Variants in CUBN observed in about 807,000 individuals in gnomAD.
CUBN encodes 460 kDa receptor.
Under a neutral mutation model 405.3 loss-of-function variants are expected in CUBN, and 282 were observed. That is an observed-to-expected ratio of 0.70 (90% CI 0.63 to 0.77). The LOEUF (loss-of-function observed/expected upper bound fraction) is 0.77. Ranked by LOEUF, CUBN falls within the 30% of genes least tolerant of loss-of-function variation. The probability of loss-of-function intolerance (pLI) is 0.00; values close to 1 mark genes in which losing one functional copy is unlikely to be tolerated. For missense variants in CUBN, 4,514 were observed against 4,475.2 expected (o/e 1.01, Z -0.25); for synonymous variants, 1,684 against 1,617.0 (o/e 1.04, Z -0.99).
intron 64 of CUBN, among the ~76,000 whole-genome samples, chr10:16,833,632 C>CAGAAAAGAAAGAAGAAGAA (rs1564375606): frequency 6.6e-6 from 1 of 151,772 alleles, no homozygotes; most frequent in Non-Finnish European, 1.5e-5. Flanking sequence ...GGTTGCAGGG[C>CAGAAAAGAAAGAAGAAGAA]AGAAAAGAAA....
chr10:16,840,677 C>T, intron 61 of CUBN, 142 bp from the exon 62 acceptor site: 1 of 894,806 alleles, frequency 1.1e-6, no homozygotes, highest in Middle Eastern at 3.2e-4. Context: ...GGTTTATATC[C>T]TTGACTAAAG....
rs181633050 is a variant in CUBN, at chr10:17,086,096, G to T, written c.1948-337C>A. On this transcript the variant is annotated intron_variant, in intron 15 of 66. Coordinates refer to ENST00000377833, the MANE Select transcript of CUBN (RefSeq NM_001081.4). Reference sequence around the variant, plus strand: ...TTCTCCTGCCTCAGCCTCCCAAGTAGCTGGGACTACAGGCACCTGCCACCA... The same window carrying T: ...TTCTCCTGCCTCAGCCTCCCAAGTATCTGGGACTACAGGCACCTGCCACCA... Among the ~76,000 whole-genome samples the T allele has an allele frequency of 2.0e-4, 31 of 151,866 alleles. No homozygotes were observed. The East Asian group carries it at 6.0e-3, about 30-fold the overall frequency.
At chr10:16,855,004 CTCTCTCTCTCTT>C (rs1185782211) in intron 59 of CUBN, among the ~76,000 whole-genome samples, 2 of 134,614 alleles carry the variant, frequency 1.5e-5, no homozygotes, top group East Asian at 4.8e-4. Flanking sequence ...TTCCTTTTTT[CTCTCTCTCTCTT>C]TCTCTCTCTC....
intron 31 of CUBN, among the ~76,000 whole-genome samples, chr10:16,956,864 T>A (rs2131638170): frequency 6.6e-6 from 1 of 152,246 alleles, no homozygotes; most frequent in Admixed American, 6.5e-5. Context: ...TATATACAGT[T>A]TATATTTATT....
At chr10:16,891,923 A>G (rs564507216) in intron 54 of CUBN, among the ~76,000 whole-genome samples, 2 of 152,148 alleles carry the variant, frequency 1.3e-5, no homozygotes, top group African/African-American at 2.4e-5. Context: ...CTATCAACAG[A>G]CAACTATCTC....
In CUBN at chr10:16,939,107, G is replaced by A. The variant is rs1409092456; in HGVS notation, c.5589C>T (p.Val1863=). 9.9e-6 allele frequency: 16 copies of A among 1,613,830 alleles called. No individual in the cohort carries two copies. The highest frequency in any genetic ancestry group is 8.9e-5 in the East Asian group (4 of 44,866). The change falls in exon 38 of 67, where the codon GTC becomes GTT. Residue 1863 remains valine (V), a synonymous_variant. Transcript: ENST00000377833. ...NDNIVGTHGK[V]ASPFWPENYP... ...AGTTTTCAGGCCAGAAAGGAGAGGC[G>A]ACTTTCCCATGAGTTCCCACAATAT...
At chr10:16,937,545 C>T (rs1281043913) in intron 39 of CUBN, 47 bp downstream of exon 39, 3 of 1,523,586 alleles carry the variant, frequency 2.0e-6, no homozygotes, top group Non-Finnish European at 1.8e-6. Flanking sequence ...AAACATTGGC[C>T]TGCACATATC....
At chr10:16,979,926 T>A (rs1833215144) in intron 31 of CUBN, among the ~76,000 whole-genome samples, 1 of 151,878 alleles carries the variant, frequency 6.6e-6, no homozygotes, top group Non-Finnish European at 1.5e-5. Flanking sequence ...TAGGAGAAAA[T>A]TTTTGCAATC....
chr10:16,946,112 C>A (rs1334466230), intron 36 of CUBN, among the ~76,000 whole-genome samples: 5 of 152,168 alleles, frequency 3.3e-5, no homozygotes, highest in Non-Finnish European at 5.9e-5. Flanking sequence ...ACAGAATTAG[C>A]AATCCCAACC....
intron 22 of CUBN, among the ~76,000 whole-genome samples, chr10:17,050,585 A>G (rs369249535): frequency 1.3e-5 from 2 of 152,238 alleles, no homozygotes; most frequent in African/African-American, 4.8e-5. Context: ...GTGAGACTTC[A>G]GAAAGCATGT....
rs944503829 is a variant in CUBN, at chr10:16,928,216, A to G, written c.6212T>C (p.Ile2071Thr). 1.2e-6 allele frequency: 2 copies of G among 1,614,066 alleles called. No homozygotes were observed. The highest frequency in any genetic ancestry group is 3.3e-5 in the Admixed American group (2 of 60,000). ...TACACTGGAGTCCGAGGTGAAGCGG[A>G]TGAACATGTACTCTCCAGTAGACCG... ...PIRSTGEYMF[I>T]RFTSDSSVTR... The change falls in exon 41 of 67, where the codon ATC becomes ACC. Residue 2071 changes from isoleucine to threonine, a missense_variant. Physicochemically the swap from Ile to Thr is moderately conservative, Grantham distance 89 (BLOSUM62 -1). Around this residue, in one of 5 missense-constraint regions of CUBN, gnomAD observed 1,613 missense variants for 1,542.8 expected, o/e 1.05. Coordinates refer to ENST00000377833, the MANE Select transcript of CUBN (RefSeq NM_001081.4).
In CUBN at chr10:16,899,047, G is replaced by A; in HGVS notation, c.8547C>T (p.Asn2849=). ...CATCACCGCTGGGGATTAGGAAGTTGTTGTCAAAGCTGATCTCCAAGTGTT... is the reference window on the plus strand; with the variant it reads ...CATCACCGCTGGGGATTAGGAAGTTATTGTCAAAGCTGATCTCCAAGTGTT... ...KSKHLEISFD[N]NFLIPSGDGQ... is the part of the protein sequence containing the mutation. The change falls in exon 54 of 67, where the codon AAC becomes AAT. Residue 2849 remains asparagine, a synonymous_variant. Coordinates refer to ENST00000377833, the MANE Select transcript of CUBN (RefSeq NM_001081.4). 6.2e-7 allele frequency: 1 copy of A among 1,613,618 alleles called. No individual in the cohort carries two copies. The highest frequency in any genetic ancestry group is 1.7e-5 in the Admixed American group (1 of 60,026).
At chr10:16,953,612 G>C (rs777255732) in intron 32 of CUBN, among the ~76,000 whole-genome samples, 1 of 152,052 alleles carries the variant, frequency 6.6e-6, no homozygotes, top group African/African-American at 2.4e-5. Context: ...GCCAGGTATG[G>C]TGGGAGGCTA....
intron 31 of CUBN, among the ~76,000 whole-genome samples, chr10:16,971,255 G>C (rs1273669924): frequency 6.6e-6 from 1 of 152,172 alleles, no homozygotes; most frequent in Non-Finnish European, 1.5e-5. Flanking sequence ...TGAGACTGCA[G>C]AGATATTATG....
At chr10:16,902,217 GTATATATATGTATATATATAC>G (rs1841413456) in intron 51 of CUBN, among the ~76,000 whole-genome samples, 1 of 125,950 alleles carries the variant, frequency 7.9e-6, no homozygotes, top group Admixed American at 9.0e-5. Flanking sequence ...TATATATATA[GTATATATATGTATATATATAC>G]TATATATATT....
At position 16,899,027 on chromosome 10, in the gene CUBN, C is replaced by T; in HGVS notation, c.8567G>A (p.Gly2856Asp). 1 of 1,613,482 alleles carries T rather than the reference C, an allele frequency of 6.2e-7. No individual in the cohort carries two copies. The highest frequency in any genetic ancestry group is 1.7e-5 in the Admixed American group (1 of 60,018). ...GAAGCTATTCTGACATTGTCCATCA[C>T]CGCTGGGGATTAGGAAGTTGTTGTC... ...SFDNNFLIPSGDGQCQNSFVK... is the reference protein window; with the variant it reads ...SFDNNFLIPSDDGQCQNSFVK... Residue 2856 changes from glycine to aspartate, a missense_variant, in exon 54 of 67, where the codon GGT (glycine) becomes GAT (aspartate). Gly to Asp is a moderately conservative substitution (Grantham distance 94). Transcript: ENST00000377833.
chr10:17,015,098 C>T (rs77850859), intron 28 of CUBN, among the ~76,000 whole-genome samples: 1 of 152,222 alleles, frequency 6.6e-6, no homozygotes, highest in East Asian at 1.9e-4. Flanking sequence ...TGGGGTGTTG[C>T]AGGGACTGCT....
intron 66 of CUBN, among the ~76,000 whole-genome samples, chr10:16,827,964 G>A (rs1282428316): frequency 6.6e-6 from 1 of 152,058 alleles, no homozygotes; most frequent in African/African-American, 2.4e-5. Flanking sequence ...TTGAATCAAC[G>A]TCAGATTCTG....
intron 14 of CUBN, among the ~76,000 whole-genome samples, chr10:17,092,848 G>A (rs1836295391): frequency 1.3e-5 from 2 of 152,154 alleles, no homozygotes; most frequent in Non-Finnish European, 2.9e-5. Context: ...CCACTGCTCT[G>A]CTTATGGAGT....
Sources: allele counts gnomAD v4.1 joint callset (sites outside exome capture counted in the v4.1 genomes callset), GRCh38; gene constraint gnomAD v4.1.1; regional missense constraint gnomAD v4.1.1; transcripts MANE v1.5; gene names NCBI Gene and HGNC (gene_info 2026-07-23, HGNC 2026-07-21).